Variants in EML1 observed in about 807,000 individuals in gnomAD.
EML1 encodes the protein echinoderm microtubule-associated protein-like 1.
Under a neutral mutation model 110.4 loss-of-function variants are expected in EML1, and 27 were observed. The ratio of observed to expected loss-of-function variants is 0.24; its 90% CI spans 0.18 to 0.34. The LOEUF (loss-of-function observed/expected upper bound fraction) is 0.34. EML1 is among the 10% of genes least tolerant of loss of function. The pLI, the probability that EML1 is intolerant of heterozygous loss-of-function variation, is 1.00. For synonymous variants in EML1, 344 were observed against 385.8 expected, an observed-to-expected ratio of 0.89 and a Z score of 1.27; for missense variants, 741 against 1,030.9, an observed-to-expected ratio of 0.72 and a Z score of 3.85.
At chr14:99,818,947 A>G (rs1215916463) in intron 1 of EML1, among the ~76,000 whole-genome samples, 1 of 152,074 alleles carries the variant, frequency 6.6e-6, no homozygotes, top group Non-Finnish European at 1.5e-5. Context: ...AATTAATTTA[A>G]TTGTTGATTT....
chr14:99,748,599 A>G (rs1369878838), intron 1 of EML1, among the ~76,000 whole-genome samples: 2 of 152,160 alleles, frequency 1.3e-5, no homozygotes, highest in Non-Finnish European at 2.9e-5. Flanking sequence ...TCAAGGCTGT[A>G]GTGAGTCATG....
intron 3 of EML1, 98 bp from the exon 4 acceptor site, chr14:99,878,387 T>A: frequency 6.7e-7 from 1 of 1,483,006 alleles, no homozygotes; most frequent in Non-Finnish European, 9.0e-7. Context: ...TGAATATCCA[T>A]GTGGAAGTAT....
chr14:99,936,346 C>CA lies in EML1; in HGVS notation c.2095+12_2095+13insA. On this transcript the variant is annotated intron_variant, in intron 19 of 21. Coordinates refer to ENST00000262233, the MANE Select transcript of EML1 (RefSeq NM_004434.3). This position sits in a 1 kb window ranked among gnomAD's most constrained non-coding sequence, Gnocchi z 5.5. ...CGAAATCCTCTACTGTGAGTACCAC[C>CA]CCGGGGTTGTATGAAGTCTCGATCT... The CA allele has an allele frequency of 1.2e-6, 2 of 1,611,162 alleles. No individual in the cohort carries two copies. Among genetic ancestry groups the CA allele is most frequent in the South Asian group, 2.2e-5 (2 of 90,934 alleles).
chr14:99,811,244 G>C (rs1259739620), intron 1 of EML1, among the ~76,000 whole-genome samples: 3 of 147,338 alleles, frequency 2.0e-5, no homozygotes, highest in African/African-American at 7.3e-5. Flanking sequence ...TGCAGTGGTT[G>C]ATCACAGCTC....
At chr14:99,853,852 G>A (rs1452568753) in intron 2 of EML1, among the ~76,000 whole-genome samples, 1 of 152,104 alleles carries the variant, frequency 6.6e-6, no homozygotes, top group Non-Finnish European at 1.5e-5. Context: ...TGTATTTTTA[G>A]TAGAGACGGG....
intron 1 of EML1, among the ~76,000 whole-genome samples, chr14:99,793,909 C>G (rs138235075): frequency 3.4e-4 from 51 of 151,952 alleles, no homozygotes; most frequent in African/African-American, 1.2e-3. Flanking sequence ...TTTTTTGCTT[C>G]CCGACCCACA....
At chr14:99,829,157 G>A (rs1458264133) in intron 1 of EML1, among the ~76,000 whole-genome samples, 1 of 152,138 alleles carries the variant, frequency 6.6e-6, no homozygotes, top group Non-Finnish European at 1.5e-5. Flanking sequence ...CCTTCTTTGG[G>A]CGCCCCTTTT....
At chr14:99,913,208 G>A (rs958573346) in intron 13 of EML1, among the ~76,000 whole-genome samples, 1 of 151,836 alleles carries the variant, frequency 6.6e-6, no homozygotes. Flanking sequence ...TTCAGACAGG[G>A]TCTGGCTCTG....
At chr14:99,878,398 G>A in intron 3 of EML1, 87 bp from the exon 4 acceptor site, 3 of 1,496,410 alleles carry the variant, frequency 2.0e-6, no homozygotes, top group Non-Finnish European at 2.7e-6. Context: ...GTGGAAGTAT[G>A]ACGTTCTATG....
intron 1 of EML1, among the ~76,000 whole-genome samples, chr14:99,746,749 G>A (rs1257226152): frequency 6.6e-6 from 1 of 152,110 alleles, no homozygotes; most frequent in East Asian, 1.9e-4. Context: ...TGCTGCTGGT[G>A]GATGCTTCTG....
At chr14:99,820,523 G>T (rs935193224) in intron 1 of EML1, among the ~76,000 whole-genome samples, 3 of 152,166 alleles carry the variant, frequency 2.0e-5, no homozygotes, top group African/African-American at 7.2e-5. Context: ...TTACCATTTG[G>T]TTAGAACACC....
At chr14:99,829,158 C>T (rs571435330) in intron 1 of EML1, among the ~76,000 whole-genome samples, 126 of 152,256 alleles carry the variant, frequency 8.3e-4, no homozygotes, top group South Asian at 1.5e-3. Flanking sequence ...CTTCTTTGGG[C>T]GCCCCTTTTT....
chr14:99,876,698 G>T (rs1421957317), intron 3 of EML1, among the ~76,000 whole-genome samples: 1 of 152,050 alleles, frequency 6.6e-6, no homozygotes, highest in Non-Finnish European at 1.5e-5. Flanking sequence ...CAAGTGTCAA[G>T]ACTAGAGCCA....
At chr14:99,737,728 G>T in exon 1 of EML1, 1 of 1,205,766 alleles carries the variant, frequency 8.3e-7, no homozygotes, top group Non-Finnish European at 1.1e-6. Context: ...CGCTGCCTGG[G>T]GCTGGACGCG....
At chr14:99,839,727 A>G (rs1377889612) in intron 1 of EML1, among the ~76,000 whole-genome samples, 2 of 152,240 alleles carry the variant, frequency 1.3e-5, no homozygotes, top group African/African-American at 4.8e-5. Flanking sequence ...AATTATGTGA[A>G]CATTAGTTCT....
rs898634202 is a variant in EML1, at chr14:99,891,221, A to G, written c.541A>G (p.Ser181Gly). Reference protein sequence around the residue: ...SESKPKEPVFSAEEGYVKMFL... With the variant: ...SESKPKEPVFGAEEGYVKMFL... ...CAGCAAACCCAAGGAGCCTGTATTC[A>G]GTGCAGGTAAGTCTGATTTAATTTA... The change falls in exon 5 of 22, where the codon AGT (serine) becomes GGT (glycine). Residue 181 changes from serine (S) to glycine (G), a missense_variant. This residue lies in a region of EML1 where 226 missense variants were observed against 255.6 expected (regional missense o/e 0.88). Coordinates refer to ENST00000262233, the MANE Select transcript of EML1 (RefSeq NM_004434.3). The G allele has an allele frequency of 1.1e-5, 18 of 1,614,056 alleles. No homozygotes were observed. The highest frequency in any genetic ancestry group is 1.7e-5 in the Admixed American group (1 of 60,002).
intron 4 of EML1, among the ~76,000 whole-genome samples, chr14:99,883,727 A>G (rs1327983643): frequency 1.3e-5 from 2 of 152,148 alleles, no homozygotes; most frequent in East Asian, 1.9e-4. Flanking sequence ...TCCCTTCTTC[A>G]TTTGCTAAAT....
chr14:99,750,983 C>T (rs571437070), intron 1 of EML1, among the ~76,000 whole-genome samples: 24 of 152,244 alleles, frequency 1.6e-4, no homozygotes, highest in South Asian at 6.2e-4. Flanking sequence ...GGTTTCCCCC[C>T]CTGTGAAATG....
chr14:99,918,782 C>T (rs1234448038), intron 16 of EML1, among the ~76,000 whole-genome samples: 1 of 151,942 alleles, frequency 6.6e-6, no homozygotes, highest in Non-Finnish European at 1.5e-5. Context: ...ACCACTGTAC[C>T]CTCGCCTAAG....
Sources: gnomAD v4.1 joint callset for allele counts (sites outside exome capture counted in the v4.1 genomes callset) on GRCh38, gnomAD v4.1.1 for gene constraint, gnomAD v4.1.1 regional missense constraint, Gnocchi (gnomAD v3.1) non-coding constraint, MANE v1.5 for transcripts, NCBI Gene and HGNC (gene_info 2026-07-23, HGNC 2026-07-21) for gene names.